Variants in DCLK1 observed in about 807,000 individuals in gnomAD.
DCLK1 encodes serine/threonine-protein kinase DCLK1.
In DCLK1, 16 loss-of-function variants were observed where a neutral mutation model predicts 86.2. The ratio of observed to expected loss-of-function variants is 0.19; its 90% confidence interval spans 0.13 to 0.28. The LOEUF is 0.28. Among genes scored for constraint, DCLK1 ranks in the 10% least tolerant of loss-of-function variants. The pLI, the probability that DCLK1 is intolerant of heterozygous loss-of-function variation, is 1.00. For synonymous variants in DCLK1, 369 were observed against 370.5 expected, an observed-to-expected ratio of 1.00 and a Z score of 0.05; for missense variants, 590 against 940.2, an observed-to-expected ratio of 0.63 and a Z score of 4.87.
chr13:35,798,300 C>A (rs147303515), intron 15 of DCLK1, among the ~76,000 whole-genome samples: 2 of 152,218 alleles, frequency 1.3e-5, no homozygotes, highest in African/African-American at 4.8e-5. Context: ...CCATTTCAGG[C>A]GTCATGCTTT....
chr13:35,850,611 A>T, intron 6 of DCLK1: 1 of 1,312,314 alleles, frequency 7.6e-7, no homozygotes, highest in South Asian at 2.9e-5. Context: ...GTCTTTTATC[A>T]TTTCAAGGTA....
rs151019237 is a variant in DCLK1 at position 35,854,559 on chromosome 13, C to A, written c.975G>T (p.Pro325=). ...NGTPGSQLST[P]RSGKSPSPSP... ...ATGGGCTTGGCGACTTGCCTGAGCG[C>A]GGAGTAGAGAGCTGACTACCAGGGG... The change falls in exon 6 of 17, where the codon CCG becomes CCT. Residue 325 remains proline (P), a synonymous_variant. Coordinates refer to ENST00000360631, the MANE Select transcript of DCLK1 (RefSeq NM_001330071.2). 29 of 1,603,270 alleles carry A rather than the reference C, an allele frequency of 1.8e-5. No individual in the cohort carries two copies. Among genetic ancestry groups the A allele is most frequent in the Non-Finnish European group, 2.0e-5 (24 of 1,174,036 alleles).
intron 4 of DCLK1, among the ~76,000 whole-genome samples, chr13:35,924,247 C>A (rs1171054): frequency 0.095 from 14,413 of 152,024 alleles, 961 homozygotes; most frequent in African/African-American, 0.19. Context: ...TAAGTGGGGG[C>A]AAATCTTTTT....
At chr13:36,078,360 C>A (rs58957720) in intron 3 of DCLK1, among the ~76,000 whole-genome samples, 1,954 of 152,284 alleles carry the variant, frequency 0.013, 45 homozygotes, top group African/African-American at 0.045. Flanking sequence ...TCTTCCAACA[C>A]ACAGACTAAA....
At chr13:35,792,991 TCTCTCAGC>T (rs1249564036) in intron 16 of DCLK1, among the ~76,000 whole-genome samples, 4 of 152,192 alleles carry the variant, frequency 2.6e-5, no homozygotes, top group Non-Finnish European at 5.9e-5. Context: ...CAATGTCGTC[TCTCTCAGC>T]TTGCCTTTCC....
intron 4 of DCLK1, among the ~76,000 whole-genome samples, chr13:35,905,953 T>C (rs974108100): frequency 6.6e-6 from 1 of 152,222 alleles, no homozygotes; most frequent in African/African-American, 2.4e-5. Flanking sequence ...AGAATAAGCA[T>C]GATCTTAATG....
intron 16 of DCLK1, among the ~76,000 whole-genome samples, chr13:35,775,614 G>A (rs2086411952): frequency 6.6e-6 from 1 of 152,162 alleles, no homozygotes; most frequent in Admixed American, 6.5e-5. Context: ...TAGGTATGAG[G>A]TCTGAAGAAA....
Position 35,896,064 on chromosome 13 carries a change from T to G in DCLK1, c.824-24724A>C, listed in dbSNP as rs372802587. On this transcript the variant is annotated intron_variant, in intron 4 of 16. Coordinates refer to ENST00000360631, the MANE Select transcript of DCLK1 (RefSeq NM_001330071.2). ...TTTTGACATCATTATTCAGGAAAAC[T>G]TCAAGGATGAGATGTTAAACGTATA... Among the ~76,000 whole-genome samples the G allele has an allele frequency of 2.6e-5, 4 of 152,142 alleles. No homozygotes were observed. The East Asian group carries it at 5.8e-4, about 22-fold the overall frequency.
chr13:35,980,149 T>C (rs1879560490), intron 3 of DCLK1, among the ~76,000 whole-genome samples: 1 of 152,228 alleles, frequency 6.6e-6, no homozygotes, highest in Non-Finnish European at 1.5e-5. Flanking sequence ...AATGAAACTC[T>C]GTATCCATTA....
chr13:35,849,676 A>C, intron 6 of DCLK1: 3 of 984,382 alleles, frequency 3.0e-6, no homozygotes, highest in Non-Finnish European at 3.6e-6. Flanking sequence ...ATAATCATAG[A>C]CTTAATTGGT....
Position 35,772,543 on chromosome 13 carries a change from A to G in DCLK1, c.*1992T>C, listed in dbSNP as rs1021689902. The stretch of plus-strand genomic sequence containing the variant: ...CCTCATTAATATGGAATCTACCTAC[A>G]CACCAACACTCTTTCTGGTGTTCTG... On this transcript the variant is annotated 3_prime_UTR_variant, in exon 17 of 17. Coordinates refer to ENST00000360631, the MANE Select transcript of DCLK1 (RefSeq NM_001330071.2). The G allele has an allele frequency of 2.6e-5, 4 of 151,954 alleles. No homozygotes were observed. The highest frequency in any genetic ancestry group is 4.8e-5 in the African/African-American group (2 of 41,352). The allele number at this position is 151,954 out of a possible 1,614,324, so 9.4% of individuals were successfully genotyped here. A position where few individuals can be genotyped will look rare whatever the true frequency, so the allele number is the denominator to read the frequency against.
At chr13:35,938,906 A>G (rs189577500) in intron 4 of DCLK1, among the ~76,000 whole-genome samples, 5 of 152,302 alleles carry the variant, frequency 3.3e-5, no homozygotes, top group Admixed American at 6.5e-5. Flanking sequence ...GGAAGAGAAA[A>G]TGTAAAGAAA....
intron 15 of DCLK1, among the ~76,000 whole-genome samples, chr13:35,804,579 C>T (rs374698390): frequency 8.6e-5 from 13 of 151,710 alleles, no homozygotes; most frequent in African/African-American, 1.9e-4. Context: ...ATTACAGGTG[C>T]GCACCACCAC....
intron 3 of DCLK1, among the ~76,000 whole-genome samples, chr13:36,085,246 T>C (rs768772612): frequency 2.0e-5 from 3 of 152,318 alleles, no homozygotes; most frequent in Non-Finnish European, 4.4e-5. Context: ...AAAATACATT[T>C]ATGCTGTAAA....
chr13:35,858,343 G>A (rs1871195189), intron 5 of DCLK1, among the ~76,000 whole-genome samples: 1 of 152,170 alleles, frequency 6.6e-6, no homozygotes, highest in Non-Finnish European at 1.5e-5. Flanking sequence ...CAGAGAGTTT[G>A]GACACTTTGA....
chr13:35,860,353 G>A (rs530479948), intron 5 of DCLK1, among the ~76,000 whole-genome samples: 1 of 152,114 alleles, frequency 6.6e-6, no homozygotes, highest in East Asian at 1.9e-4. Flanking sequence ...GAGACCAAGA[G>A]AAAAGAGACA....
chr13:35,997,712 T>G (rs912518330), intron 3 of DCLK1, among the ~76,000 whole-genome samples: 1 of 152,166 alleles, frequency 6.6e-6, no homozygotes, highest in Non-Finnish European at 1.5e-5. Context: ...ATAAAAGAAC[T>G]TCCCCCCAAA....
intron 3 of DCLK1, among the ~76,000 whole-genome samples, chr13:35,992,962 C>A (rs533895120): frequency 6.6e-6 from 1 of 152,288 alleles, no homozygotes; most frequent in Admixed American, 6.5e-5. Flanking sequence ...TGCTCTGAAG[C>A]CCTGGATATC....
intron 8 of DCLK1, among the ~76,000 whole-genome samples, chr13:35,830,597 T>A (rs1423169827): frequency 6.6e-6 from 1 of 152,172 alleles, no homozygotes; most frequent in Non-Finnish European, 1.5e-5. Context: ...CTGCTTTTCA[T>A]AAATTACTAA....
Sources: allele counts gnomAD v4.1 joint callset (sites outside exome capture counted in the v4.1 genomes callset), GRCh38; gene constraint gnomAD v4.1.1; transcripts MANE v1.5; gene names NCBI Gene and HGNC (gene_info 2026-07-23, HGNC 2026-07-21).